Variants in ETV6 observed in about 807,000 individuals in gnomAD.
ETV6 encodes transcription factor ETV6.
Under a neutral mutation model 51.1 loss-of-function variants are expected in ETV6, and 16 were observed. That is an observed-to-expected ratio of 0.31 (90% CI 0.21 to 0.48). The LOEUF is 0.48. Ranked by LOEUF, ETV6 falls within the 20% of genes least tolerant of loss-of-function variation. The pLI is 0.99. For synonymous variants in ETV6, 240 were observed against 224.1 expected (o/e 1.07, Z -0.64); for missense variants, 458 against 594.8 (o/e 0.77, Z 2.39).
At chr12:11,687,119 T>C (rs1021961691) in intron 1 of ETV6, among the ~76,000 whole-genome samples, 1 of 152,022 alleles carries the variant, frequency 6.6e-6, no homozygotes, top group Admixed American at 6.6e-5. Context: ...ACTCCTGACC[T>C]CAAATGATCT....
rs1033128427 is a variant in ETV6 at position 11,892,292 on chromosome 12, G to A, written c.*1246G>A. On this transcript the variant is annotated 3_prime_UTR_variant, in exon 8 of 8. Transcript: ENST00000396373. ...CCACTGGACACAGAGCTTTGGAGAC[G>A]GAGGATCCCAGAGGGCAGTCTCAGT... 5 of 227,214 alleles carry A rather than the reference G, an allele frequency of 2.2e-5. No individual in the cohort carries two copies. Among genetic ancestry groups the A allele is most frequent in the African/African-American group, 2.3e-5 (1 of 43,146 alleles). The allele number at this position is 227,214 out of a possible 1,614,324, so 14.1% of individuals were successfully genotyped here. A position where few individuals can be genotyped will look rare whatever the true frequency, so the allele number is the denominator to read the frequency against.
In ETV6 at chr12:11,895,073, C is replaced by T. The variant is rs1029778325; in HGVS notation, c.*4027C>T. 1.3e-5 allele frequency: 3 copies of T among 233,382 alleles called. No individual in the cohort carries two copies. The highest frequency in any genetic ancestry group is 2.5e-5 in the Non-Finnish European group (3 of 118,016). 14.5% of individuals were successfully genotyped at this position (233,382 alleles called of 1,614,324 possible). Reference sequence around the variant, plus strand: ...AAGACTAACCTGATACTCTTTTGACCCAACTGCATCAACACTAAACAGCTG... The same window carrying T: ...AAGACTAACCTGATACTCTTTTGACTCAACTGCATCAACACTAAACAGCTG... On this transcript the variant is annotated 3_prime_UTR_variant, in exon 8 of 8. Coordinates refer to ENST00000396373, the MANE Select transcript of ETV6 (RefSeq NM_001987.5).
chr12:11,876,220 A>G (rs2710295), intron 5 of ETV6, among the ~76,000 whole-genome samples: 1 of 152,230 alleles, frequency 6.6e-6, no homozygotes, highest in African/African-American at 2.4e-5. Flanking sequence ...CATAAATAAA[A>G]TACTAAGTAT....
intron 2 of ETV6, among the ~76,000 whole-genome samples, chr12:11,770,578 G>A (rs1483469420): frequency 6.6e-6 from 1 of 152,086 alleles, no homozygotes; most frequent in Non-Finnish European, 1.5e-5. Flanking sequence ...TGTTTTGTTA[G>A]GCCCTTCCTC....
intron 1 of ETV6, among the ~76,000 whole-genome samples, chr12:11,655,857 A>G (rs753122587): frequency 2.1e-4 from 32 of 152,308 alleles, no homozygotes; most frequent in Non-Finnish European, 4.0e-4. Flanking sequence ...ACTCAGCCCT[A>G]TGGATTTCGC....
At chr12:11,863,359 G>A (rs551387106) in intron 4 of ETV6, among the ~76,000 whole-genome samples, 3 of 152,306 alleles carry the variant, frequency 2.0e-5, no homozygotes, top group South Asian at 4.1e-4. Flanking sequence ...TTGGCAGTGA[G>A]AAGAAGGGAT....
intron 1 of ETV6, among the ~76,000 whole-genome samples, chr12:11,652,815 C>CT (rs1227545169): frequency 2.6e-5 from 4 of 152,228 alleles, no homozygotes; most frequent in Non-Finnish European, 5.9e-5. Context: ...TCAGTGACGC[C>CT]TTTGTAAAGA....
intron 1 of ETV6, among the ~76,000 whole-genome samples, chr12:11,669,457 CTTTCT>C (rs145514309): frequency 0.097 from 13,671 of 141,582 alleles, 741 homozygotes; most frequent in African/African-American, 0.16. Flanking sequence ...TCTCTCTTTT[CTTTCT>C]TTCCTTTCTT....
intron 4 of ETV6, among the ~76,000 whole-genome samples, chr12:11,867,796 C>G (rs1035421526): frequency 1.3e-5 from 2 of 152,190 alleles, no homozygotes; most frequent in Non-Finnish European, 2.9e-5. Flanking sequence ...GCATGCACAT[C>G]CTTTTGGTGA....
Position 11,815,517 on chromosome 12 carries a change from G to A in ETV6, c.164-23623G>A, listed in dbSNP as rs565311338. Among the ~76,000 whole-genome samples the A allele has an allele frequency of 1.6e-4, 25 of 152,324 alleles. 1 individual carries two copies. The South Asian group carries it at 3.3e-3, about 20-fold the overall frequency. ...ATCTCTATTCTGATCCTGGCCCTCC[G>A]TCTACTTGGGCCACTTTGATCAAGC... On this transcript the variant is annotated intron_variant, in intron 2 of 7. Transcript: ENST00000396373.
At chr12:11,752,743 GA>G in intron 2 of ETV6, 164 bp downstream of exon 2, 7 of 724,374 alleles carry the variant, frequency 9.7e-6, no homozygotes, top group Non-Finnish European at 1.4e-5. Context: ...AGATACCTTT[GA>G]AAAATTTGAG....
intron 1 of ETV6, among the ~76,000 whole-genome samples, chr12:11,689,041 CAA>C (rs1274215130): frequency 2.9e-5 from 4 of 137,046 alleles, no homozygotes; most frequent in African/African-American, 1.1e-4. Flanking sequence ...TCTCTTTAGA[CAA>C]AGAAAATATG....
intron 1 of ETV6, among the ~76,000 whole-genome samples, chr12:11,692,266 C>T (rs1353131919): frequency 6.6e-6 from 1 of 152,162 alleles, no homozygotes; most frequent in Admixed American, 6.5e-5. Flanking sequence ...TTGTGTTACC[C>T]TGCACTGTCC....
At chr12:11,835,067 A>G (rs888430850) in intron 2 of ETV6, among the ~76,000 whole-genome samples, 2 of 152,256 alleles carry the variant, frequency 1.3e-5, no homozygotes, top group Non-Finnish European at 2.9e-5. Context: ...GCTGCCCATT[A>G]AAGCATGGAA....
chr12:11,650,034 C>G lies in ETV6; in HGVS notation c.-94C>G. ...TGCTGGAAGAAACTTCTTAAATGACCGCGTCTGGCTGGCCGTGGAGCCTTT... is the reference window on the plus strand; with the variant it reads ...TGCTGGAAGAAACTTCTTAAATGACGGCGTCTGGCTGGCCGTGGAGCCTTT... On this transcript the variant is annotated 5_prime_UTR_variant, in exon 1 of 8. Transcript: ENST00000396373. The G allele has an allele frequency of 8.8e-7, 1 of 1,138,196 alleles. No homozygotes were observed. Among genetic ancestry groups the G allele is most frequent in the Non-Finnish European group, 1.3e-6 (1 of 750,806 alleles). The allele number at this position is 1,138,196 out of a possible 1,614,324, so 70.5% of individuals were successfully genotyped here.
At chr12:11,793,867 G>A (rs1030132519) in intron 2 of ETV6, among the ~76,000 whole-genome samples, 2 of 152,208 alleles carry the variant, frequency 1.3e-5, no homozygotes, top group African/African-American at 4.8e-5. Flanking sequence ...CTCAGCAGCA[G>A]AGAACTGTGT....
rs561609543 is a variant in ETV6, at chr12:11,891,979, T to C, written c.*933T>C. The stretch of plus-strand genomic sequence containing the variant: ...GGCGTAAGATAAGGATGGAAGGCTG[T>C]CCAAGTTATTTGGAAGGCCTCGGCA... On this transcript the variant is annotated 3_prime_UTR_variant, in exon 8 of 8. Transcript: ENST00000396373. The C allele has an allele frequency of 1.4e-4, 32 of 234,800 alleles. No individual in the cohort carries two copies. The highest frequency in any genetic ancestry group is 2.3e-4 in the Non-Finnish European group (27 of 119,022). The allele number at this position is 234,800 out of a possible 1,614,324, so 14.5% of individuals were successfully genotyped here.
At chr12:11,686,400 C>T (rs1404113486) in intron 1 of ETV6, among the ~76,000 whole-genome samples, 1 of 152,170 alleles carries the variant, frequency 6.6e-6, no homozygotes, top group Non-Finnish European at 1.5e-5. Flanking sequence ...TTACATCTGT[C>T]GGGAATTCAC....
intron 2 of ETV6, among the ~76,000 whole-genome samples, chr12:11,787,821 A>C (rs1945511524): frequency 6.6e-6 from 1 of 152,214 alleles, no homozygotes; most frequent in Non-Finnish European, 1.5e-5. Flanking sequence ...TAAAGCCCTA[A>C]GCCCAAGTTG....
Sources: gnomAD v4.1 joint callset for allele counts (sites outside exome capture counted in the v4.1 genomes callset) on GRCh38, gnomAD v4.1.1 for gene constraint, MANE v1.5 for transcripts, NCBI Gene and HGNC (gene_info 2026-07-23, HGNC 2026-07-21) for gene names.